Variants in RBM27 observed in about 807,000 individuals in gnomAD.
RBM27 encodes the protein RNA-binding protein 27.
A neutral mutation model predicts 135.3 loss-of-function variants in RBM27; 22 were observed. The ratio of observed to expected loss-of-function variants is 0.16; its 90% CI spans 0.12 to 0.23. RBM27 has a LOEUF of 0.23. Among genes scored for constraint, RBM27 ranks in the 10% least tolerant of loss-of-function variants. The pLI, the probability that RBM27 is intolerant of heterozygous loss-of-function variation, is 1.00. For missense variants in RBM27, 1,009 were observed against 1,281.0 expected (o/e 0.79, Z 3.24); for synonymous variants, 481 against 442.4 (o/e 1.09, Z -1.10).
intron 19 of RBM27, among the ~76,000 whole-genome samples, chr5:146,274,312 A>G (rs1174113193): frequency 6.6e-6 from 1 of 150,628 alleles, no homozygotes; most frequent in Non-Finnish European, 1.5e-5. Context: ...GCTGGAGTGT[A>G]GTGGCATGAT....
intron 10 of RBM27, 125 bp downstream of exon 10, chr5:146,255,217 T>C (rs970603569): frequency 1.2e-5 from 9 of 758,760 alleles, no homozygotes; most frequent in African/African-American, 1.8e-5. Flanking sequence ...ATTATCTCTT[T>C]GGAGGGTGCT....
At chr5:146,277,980 GC>G (rs1759164937) in intron 19 of RBM27, among the ~76,000 whole-genome samples, 1 of 152,144 alleles carries the variant, frequency 6.6e-6, no homozygotes, top group African/African-American at 2.4e-5. Flanking sequence ...GAGAACCACT[GC>G]TTTAGGTAAA....
At chr5:146,217,386 C>T (rs1201799531) in intron 1 of RBM27, among the ~76,000 whole-genome samples, 1 of 150,110 alleles carries the variant, frequency 6.7e-6, no homozygotes, top group Non-Finnish European at 1.5e-5. Flanking sequence ...AGTAAAGGTA[C>T]TGGTGCTTGG....
chr5:146,231,583 C>T (rs942088252), intron 6 of RBM27, among the ~76,000 whole-genome samples: 3 of 151,840 alleles, frequency 2.0e-5, no homozygotes, highest in African/African-American at 7.3e-5. Flanking sequence ...ATTTCATAGA[C>T]ACTAGTAATT....
intron 2 of RBM27, among the ~76,000 whole-genome samples, chr5:146,222,701 A>C (rs1015783361): frequency 1.3e-5 from 2 of 152,166 alleles, no homozygotes; most frequent in African/African-American, 2.4e-5. Flanking sequence ...AACAAACAAA[A>C]AAAAGCAGTA....
intron 15 of RBM27, among the ~76,000 whole-genome samples, chr5:146,268,276 C>T (rs1758707596): frequency 7.0e-6 from 1 of 143,652 alleles, no homozygotes; most frequent in African/African-American, 2.5e-5. Context: ...GAGTTTTGCT[C>T]TTGTTGCCCA....
At chr5:146,227,683 G>A (rs948033210) in intron 3 of RBM27, among the ~76,000 whole-genome samples, 1 of 152,130 alleles carries the variant, frequency 6.6e-6, no homozygotes, top group African/African-American at 2.4e-5. Flanking sequence ...AGGTTGCTGT[G>A]AGCTGAGATA....
chr5:146,260,141 A>G (rs1165874945), intron 11 of RBM27, among the ~76,000 whole-genome samples: 4 of 151,998 alleles, frequency 2.6e-5, no homozygotes, highest in African/African-American at 9.7e-5. Flanking sequence ...TGTACTAAGC[A>G]TACAAAAATT....
At chr5:146,205,197 C>A (rs1430749217) in intron 1 of RBM27, among the ~76,000 whole-genome samples, 1 of 152,194 alleles carries the variant, frequency 6.6e-6, no homozygotes, top group Admixed American at 6.5e-5. Flanking sequence ...TGGACCCGGC[C>A]ATGTTTGATA....
In RBM27 at chr5:146,237,438, T is replaced by A; in HGVS notation, c.1279+6T>A. ...CCTTTACACAGTATCAGAACGTAAG[T>A]ACATGTTGTTTGACTTAAAATTGAC... On this transcript the variant is annotated splice_donor_region_variant and intron_variant, in intron 8 of 20. Transcript: ENST00000265271. The A allele has an allele frequency of 6.2e-7, 1 of 1,613,722 alleles. No homozygotes were observed. The highest frequency in any genetic ancestry group is 1.7e-5 in the Admixed American group (1 of 60,010).
At position 146,214,607 on chromosome 5, in the gene RBM27, G is replaced by A. The variant is rs75392674; in HGVS notation, c.60-4378G>A. On this transcript the variant is annotated intron_variant, in intron 1 of 20. Transcript: ENST00000265271. ...TATAGTGAGGGGTCAATGGGTGAAAGAATAAGAATAATTGTAAAAGTCTAG... is the reference window on the plus strand; with the variant it reads ...TATAGTGAGGGGTCAATGGGTGAAAAAATAAGAATAATTGTAAAAGTCTAG... Among the ~76,000 whole-genome samples, 24 of 152,240 alleles carry A rather than the reference G, an allele frequency of 1.6e-4. No homozygotes were observed. The East Asian group carries it at 4.4e-3, about 28-fold the overall frequency.
chr5:146,258,364 A>G (rs1247559485), intron 10 of RBM27, 85 bp from the exon 11 acceptor site: 114 of 1,082,156 alleles, frequency 1.1e-4, no homozygotes, highest in Non-Finnish European at 1.4e-4. Flanking sequence ...TGAGCTATTC[A>G]TAGTAGTTTT....
intron 19 of RBM27, among the ~76,000 whole-genome samples, chr5:146,282,882 T>G (rs2126920532): frequency 6.6e-6 from 1 of 152,360 alleles, no homozygotes; most frequent in Admixed American, 6.5e-5. Context: ...ATCTTTATTC[T>G]AATTGCTAAT....
chr5:146,219,638 T>C (rs917078881), intron 2 of RBM27, among the ~76,000 whole-genome samples: 1 of 152,184 alleles, frequency 6.6e-6, no homozygotes, highest in African/African-American at 2.4e-5. Context: ...CTTGTTCCAC[T>C]CTAGCCACAA....
chr5:146,213,237 G>C (rs1271652111), intron 1 of RBM27, among the ~76,000 whole-genome samples: 1 of 152,038 alleles, frequency 6.6e-6, no homozygotes, highest in African/African-American at 2.4e-5. Context: ...CGAGTAGCTG[G>C]GATAACAGGC....
chr5:146,230,681 A>C lies in RBM27; in HGVS notation c.614A>C (p.Lys205Thr), dbSNP rs1756889986. 2 of 1,614,024 alleles carry C rather than the reference A, an allele frequency of 1.2e-6. No homozygotes were observed. Among genetic ancestry groups the C allele is most frequent in the South Asian group, 2.2e-5 (2 of 91,072 alleles). ...NVEHRERSKF[K>T]SERNDLESSY... is the part of the protein sequence containing the mutation. Reference sequence around the variant, plus strand: ...GAGCACAGGGAAAGATCGAAGTTTAAGAGTGAAAGGAATGACCTGGAGAGT... The same window carrying C: ...GAGCACAGGGAAAGATCGAAGTTTACGAGTGAAAGGAATGACCTGGAGAGT... Residue 205 changes from lysine to threonine, a missense_variant, in exon 6 of 21, where the codon AAG (lysine) becomes ACG (threonine). Transcript: ENST00000265271.
chr5:146,236,476 T>A (rs973391318), intron 7 of RBM27, among the ~76,000 whole-genome samples: 16 of 152,176 alleles, frequency 1.1e-4, no homozygotes, highest in Admixed American at 9.8e-4. Context: ...CACCTTAGAT[T>A]AGTTTTGCCT....
chr5:146,281,198 T>C (rs1483298395), intron 19 of RBM27, among the ~76,000 whole-genome samples: 2 of 152,140 alleles, frequency 1.3e-5, no homozygotes, highest in Non-Finnish European at 1.5e-5. Flanking sequence ...TCTTGGTGAT[T>C]AAACTGTTTT....
intron 7 of RBM27, among the ~76,000 whole-genome samples, chr5:146,236,411 T>C (rs554064351): frequency 1.8e-4 from 27 of 152,028 alleles, no homozygotes; most frequent in Non-Finnish European, 3.7e-4. Flanking sequence ...TCCTGAAGCC[T>C]CTTCTCAGCC....
Sources: gnomAD v4.1 joint callset for allele counts (sites outside exome capture counted in the v4.1 genomes callset) on GRCh38, gnomAD v4.1.1 for gene constraint, MANE v1.5 for transcripts, NCBI Gene and HGNC (gene_info 2026-07-23, HGNC 2026-07-21) for gene names.